ITIH6: variants seen among roughly 807,000 people sequenced by gnomAD.
ITIH6 encodes the protein inter-alpha-trypsin inhibitor heavy chain H6.
ITIH6 carries 60 observed loss-of-function variants against 58.2 expected under a neutral mutation model. That is an observed-to-expected ratio of 1.03 (90% confidence interval 0.84 to 1.28). The LOEUF is 1.28. Ranked by LOEUF, ITIH6 falls within the 50% of genes most tolerant of loss-of-function variation. The pLI, the probability that ITIH6 is intolerant of heterozygous loss-of-function variation, is 0.00. For synonymous variants in ITIH6, 493 were observed against 417.4 expected, an observed-to-expected ratio of 1.18 and a Z score of -2.21; for missense variants, 1,290 against 1,021.1, an observed-to-expected ratio of 1.26 and a Z score of -3.59.
At chrX:54,755,159 G>A in intron 8 of ITIH6, 50 bp from the exon 9 acceptor site, 1 of 1,085,486 alleles carries the variant, frequency 9.2e-7, no homozygotes, top group Non-Finnish European at 1.3e-6. Context: ...CAGGGGCAAA[G>A]TCTCAAAATC....
chrX:54,759,772 G>T lies in ITIH6; in HGVS notation c.1059C>A (p.Cys353Ter). ...AACACTTACAGCCATCGGCTTCCAT[G>T]CAATGCAGGTAGTCCTTGGCACTGT... The part of the protein sequence containing the change: ...NVHSAKDYLH[C>*]MEADGWTDVN... The change falls in exon 7 of 13, where the codon TGC (cysteine) becomes TGA (stop). Residue 353 changes from cysteine to a stop codon, truncating the protein, a stop_gained. Transcript: ENST00000218436. LOFTEE classifies it high-confidence loss of function. The T allele has an allele frequency of 8.3e-7, 1 of 1,208,689 alleles. No individual in the cohort carries two copies. The highest frequency in any genetic ancestry group is 1.1e-6 in the Non-Finnish European group (1 of 893,892).
Position 54,753,641 on chromosome X carries a change from G to A in ITIH6, c.3352+10C>T, listed in dbSNP as rs1292505500. 3 of 1,166,155 alleles carry A rather than the reference G, an allele frequency of 2.6e-6. No individual in the cohort carries two copies. The highest frequency in any genetic ancestry group is 3.5e-6 in the Non-Finnish European group (3 of 856,273). ...TTGGTGTATGGTGATGGAGTTCTTG[G>A]GGCTCTTACCTGCCTTTGGGTCCTC... On this transcript the variant is annotated intron_variant, in intron 11 of 12. Transcript: ENST00000218436.
In ITIH6 at chrX:54,758,856, G is replaced by T. The variant is rs1163634020; in HGVS notation, c.1218C>A (p.Thr406=). Reference sequence around the variant, plus strand: ...GGACATTGGAGAGGATCACACTGGGGGTCGTCACGCCGGCCGTGGGCTCCC... The same window carrying T: ...GGACATTGGAGAGGATCACACTGGGTGTCGTCACGCCGGCCGTGGGCTCCC... The part of the protein sequence containing the change: ...TDGEPTAGVT[T]PSVILSNVRQ... The change falls in exon 8 of 13, where the codon ACC becomes ACA. Residue 406 remains threonine, a synonymous_variant. Coordinates refer to ENST00000218436, the MANE Select transcript of ITIH6 (RefSeq NM_198510.3). 1.7e-6 allele frequency: 2 copies of T among 1,209,680 alleles called. No homozygotes were observed. The highest frequency in any genetic ancestry group is 1.1e-6 in the Non-Finnish European group (1 of 895,171).
At chrX:54,769,125 C>T (rs1487831003) in intron 6 of ITIH6, among the ~76,000 whole-genome samples, 1 of 92,807 alleles carries the variant, frequency 1.1e-5, no homozygotes, top group East Asian at 3.3e-4. Flanking sequence ...TCATTTCATT[C>T]ATTTCATCTT....
At chrX:54,768,927 C>T (rs1475365442) in intron 6 of ITIH6, among the ~76,000 whole-genome samples, 1 of 109,405 alleles carries the variant, frequency 9.1e-6, no homozygotes, top group Non-Finnish European at 1.9e-5. Flanking sequence ...CGTTGTCCTG[C>T]CTTGCTAGAT....
At chrX:54,770,467 T>TGATCCCG (rs1380650034) in intron 6 of ITIH6, among the ~76,000 whole-genome samples, 1 of 113,021 alleles carries the variant, frequency 8.8e-6, no homozygotes, top group Non-Finnish European at 1.9e-5. Context: ...TAACTGGGCA[T>TGATCCCG]TTTACATGAT....
chrX:54,796,849 T>C, intron 2 of ITIH6, 93 bp downstream of exon 2: 1 of 947,868 alleles, frequency 1.1e-6, no homozygotes, highest in East Asian at 3.1e-5. Context: ...GAGTGCATTG[T>C]CTTAATCACT....
chrX:54,778,864 TAAAG>T (rs1320591834), intron 5 of ITIH6, among the ~76,000 whole-genome samples: 1 of 110,439 alleles, frequency 9.1e-6, no homozygotes, highest in African/African-American at 3.4e-5. Context: ...AGGACAAGGA[TAAAG>T]AAAGGATCCT....
chrX:54,754,277 C>T (rs980188740), intron 9 of ITIH6, among the ~76,000 whole-genome samples: 2 of 111,882 alleles, frequency 1.8e-5, no homozygotes, highest in African/African-American at 6.5e-5. Context: ...GCTCTTTTCT[C>T]TTGCTCTCTG....
In ITIH6 at chrX:54,758,725, C is replaced by A. The variant is rs186138716; in HGVS notation, c.1349G>T (p.Arg450Leu). The A allele has an allele frequency of 5.0e-6, 6 of 1,211,330 alleles. No individual in the cohort carries two copies. Among genetic ancestry groups the A allele is most frequent in the Non-Finnish European group, 5.6e-6 (5 of 895,272 alleles). Reference sequence around the variant, plus strand: ...CGCATCAGTGTCCTCATATATGCGCCGGGCTATTCCCCGGTTTTCCAGGGA... The same window carrying A: ...CGCATCAGTGTCCTCATATATGCGCAGGGCTATTCCCCGGTTTTCCAGGGA... ...RLSLENRGIA[R>L]RIYEDTDAAL... Residue 450 changes from arginine (R) to leucine (L), a missense_variant, in exon 8 of 13, where the codon CGG becomes CTG. By Grantham distance (102) the Arg-to-Leu change is moderately radical. Coordinates refer to ENST00000218436, the MANE Select transcript of ITIH6 (RefSeq NM_198510.3).
chrX:54,765,594 C>CTTTT (rs1178444249), intron 6 of ITIH6, among the ~76,000 whole-genome samples: 72 of 79,131 alleles, frequency 9.1e-4, no homozygotes, highest in Non-Finnish European at 1.2e-3. Context: ...TATTTCTTTT[C>CTTTT]TTTTTTTTTT....
chrX:54,749,851 G>C lies in ITIH6; in HGVS notation c.*44C>G, dbSNP rs1928314994. ...GGCTCACCCCATGCCCTGGTTTCTGGATCTCCCAAATTCAGGTCTCCTGGC... is the reference window on the plus strand; with the variant it reads ...GGCTCACCCCATGCCCTGGTTTCTGCATCTCCCAAATTCAGGTCTCCTGGC... On this transcript the variant is annotated 3_prime_UTR_variant, in exon 13 of 13. Coordinates refer to ENST00000218436, the MANE Select transcript of ITIH6 (RefSeq NM_198510.3). 8.9e-7 allele frequency: 1 copy of C among 1,122,834 alleles called. No homozygotes were observed. The highest frequency in any genetic ancestry group is 1.8e-5 in the African/African-American group (1 of 55,215). 92.5% of individuals were successfully genotyped at this position (1,122,834 alleles called of 1,213,427 possible).
intron 4 of ITIH6, among the ~76,000 whole-genome samples, chrX:54,790,143 C>A (rs1929316087): frequency 9.9e-6 from 1 of 101,434 alleles, no homozygotes; most frequent in African/African-American, 3.6e-5. Flanking sequence ...CACCTGTCCT[C>A]TCATCTCTCA....
chrX:54,766,017 C>T (rs1928776890), intron 6 of ITIH6, among the ~76,000 whole-genome samples: 1 of 111,201 alleles, frequency 9.0e-6, no homozygotes. Flanking sequence ...ATTCTTCCTA[C>T]CCATGAGCAT....
chrX:54,764,609 A>T (rs1928728511), intron 6 of ITIH6, among the ~76,000 whole-genome samples: 1 of 101,914 alleles, frequency 9.8e-6, no homozygotes, highest in Non-Finnish European at 2.0e-5. Flanking sequence ...TTATGGCTGC[A>T]TAGTATTCCA....
chrX:54,784,734 C>T (rs1929211940), intron 5 of ITIH6, among the ~76,000 whole-genome samples: 2 of 111,506 alleles, frequency 1.8e-5, no homozygotes, highest in African/African-American at 6.5e-5. Context: ...CCCCCATACA[C>T]AGTTGGTGGG....
chrX:54,795,130 C>G (rs1929417886), intron 2 of ITIH6, among the ~76,000 whole-genome samples: 1 of 111,651 alleles, frequency 9.0e-6, no homozygotes, highest in Admixed American at 9.5e-5. Context: ...CCTAGCCGGC[C>G]CCTCCAGTCT....
intron 6 of ITIH6, among the ~76,000 whole-genome samples, chrX:54,770,099 C>T (rs189103459): frequency 0.011 from 1,290 of 112,456 alleles, 14 homozygotes; most frequent in African/African-American, 0.039. Flanking sequence ...TTTTTTAAGC[C>T]GGTCTGAAAA....
At position 54,749,843 on chromosome X, in the gene ITIH6, G is replaced by A. The variant is rs1952006776; in HGVS notation, c.*52C>T. ...CTGTCCCTGGCTCACCCCATGCCCT[G>A]GTTTCTGGATCTCCCAAATTCAGGT... On this transcript the variant is annotated 3_prime_UTR_variant, in exon 13 of 13. Coordinates refer to ENST00000218436, the MANE Select transcript of ITIH6 (RefSeq NM_198510.3). 1 of 1,087,582 alleles carries A rather than the reference G, an allele frequency of 9.2e-7. No homozygotes were observed. Among genetic ancestry groups the A allele is most frequent in the East Asian group, 3.1e-5 (1 of 32,712 alleles). The allele number at this position is 1,087,582 out of a possible 1,213,427, so 89.6% of individuals were successfully genotyped here. A position where few individuals can be genotyped will look rare whatever the true frequency, so the allele number is the denominator to read the frequency against.
Sources: allele counts gnomAD v4.1 joint callset (sites outside exome capture counted in the v4.1 genomes callset), GRCh38; gene constraint gnomAD v4.1.1; transcripts MANE v1.5; gene names NCBI Gene and HGNC (gene_info 2026-07-23, HGNC 2026-07-21).